Variants in FRMPD1 observed in about 807,000 individuals in gnomAD.
FRMPD1 encodes the protein FERM and PDZ domain-containing protein 1.
In FRMPD1, 76 loss-of-function variants were observed where a neutral mutation model predicts 117.8. That is an observed-to-expected ratio of 0.65 (90% CI 0.54 to 0.78). The LOEUF is 0.78. Ranked by LOEUF, FRMPD1 falls within the 30% of genes least tolerant of loss-of-function variation. The pLI, the probability that FRMPD1 is intolerant of heterozygous loss-of-function variation, is 0.00. For synonymous variants in FRMPD1, 783 were observed against 770.4 expected, an observed-to-expected ratio of 1.02 and a Z score of -0.27; for missense variants, 1,786 against 1,964.5, an observed-to-expected ratio of 0.91 and a Z score of 1.72.
chr9:37,732,281 C>T, intron 9 of FRMPD1, 23 bp from the exon 10 acceptor site: 1 of 1,611,430 alleles, frequency 6.2e-7, no homozygotes, highest in African/African-American at 1.3e-5. Flanking sequence ...TGTTTCCCAT[C>T]TGCTCTATTT....
rs1359590 is a variant in FRMPD1, at chr9:37,729,789, C to T, written c.674C>T (p.Ala225Val). ...CGAAGTATCGAGTACTTTGCACTGG[C>T]CCTGGAAGAGCAGTACAGCATCTCC... ...SIRSIEYFAL[A>V]LEEQYSISRL... The change falls in exon 8 of 16, where the codon GCC (alanine) becomes GTC (valine). Residue 225 changes from alanine (A) to valine (V), a missense_variant. Physicochemically the swap from Ala to Val is moderately conservative, Grantham distance 64. Transcript: ENST00000377765. 320,564 of 1,613,220 alleles carry T rather than the reference C, an allele frequency of 0.2. 32,607 individuals carry two copies. The highest frequency in any genetic ancestry group is 0.28 in the Middle Eastern group (1,695 of 6,060).
At chr9:37,625,417 C>A in the FRMPD1 span, among the ~76,000 whole-genome samples, 1 of 152,112 alleles carries the variant, frequency 6.6e-6, no homozygotes, top group African/African-American at 2.4e-5. Context: ...GCAGAGAGCT[C>A]CCTGCCAGGA....
chr9:37,742,445 G>T (rs982172174), intron 15 of FRMPD1, among the ~76,000 whole-genome samples: 4 of 152,220 alleles, frequency 2.6e-5, no homozygotes, highest in African/African-American at 9.6e-5. Context: ...AAAAGAGCCA[G>T]AACTAGGATT....
In FRMPD1 at chr9:37,655,496, C is replaced by CTTT. The variant is rs10615941; in HGVS notation, c.-5+4425_-5+4427dup. Among the ~76,000 whole-genome samples, 481 of 88,546 alleles carry CTTT rather than the reference C, an allele frequency of 5.4e-3. 11 individuals are homozygous for CTTT. The highest frequency in any genetic ancestry group is 0.021 in the East Asian group (42 of 2,040). 58.1% of individuals were successfully genotyped at this position (88,546 alleles called of 152,430 possible). ...CCCTCCTCTGCACCATGTCCCCACT[C>CTTT]TTTTTTTTTTTTTTTTTTTTTTTTT... On this transcript the variant is annotated intron_variant, in intron 1 of 15. Transcript: ENST00000377765.
rs1824378449 is a variant in FRMPD1, at chr9:37,740,902, G to A, written c.2356+18G>A. The stretch of plus-strand genomic sequence containing the variant: ...CCCGTCAGGTGAGCCGTCCCTTGCA[G>A]GTCTGCAGACACGGCAGGCAGCTCC... On this transcript the variant is annotated intron_variant, in intron 15 of 15. Coordinates refer to ENST00000377765, the MANE Select transcript of FRMPD1 (RefSeq NM_014907.3). The surrounding 1 kb of genome is among the most constrained non-coding windows in gnomAD (Gnocchi z 4.2). The A allele has an allele frequency of 6.2e-7, 1 of 1,602,068 alleles. No individual in the cohort carries two copies. Among genetic ancestry groups the A allele is most frequent in the African/African-American group, 1.3e-5 (1 of 74,860 alleles).
At chr9:37,731,191 AAAC>A in intron 9 of FRMPD1, 88 bp downstream of exon 9, 1 of 1,145,540 alleles carries the variant, frequency 8.7e-7, no homozygotes, top group Non-Finnish European at 1.3e-6. Context: ...CGAGGCCATT[AAAC>A]AACTCCCTGG....
At chr9:37,646,590 A>G (rs975728568), upstream of FRMPD1, among the ~76,000 whole-genome samples, 1 of 152,252 alleles carries the variant, frequency 6.6e-6, no homozygotes, top group Non-Finnish European at 1.5e-5. Flanking sequence ...AACAAAATAA[A>G]TATTTCTAAC....
chr9:37,711,280 T>G (rs1822900093), intron 4 of FRMPD1, 70 bp from the exon 5 acceptor site: 1 of 952,406 alleles, frequency 1.0e-6, no homozygotes, highest in African/African-American at 1.6e-5. Context: ...TGCTCACACA[T>G]GTATGCATGC....
At position 37,678,427 on chromosome 9, in the gene FRMPD1, A is replaced by G. The variant is rs1239615214; in HGVS notation, c.-4-14211A>G. ...AGGCATGTGCCATCACGTCTGGCTA[A>G]TTTTTGTATTTTTAGTAGAGATGGG... On this transcript the variant is annotated intron_variant, in intron 1 of 15. Transcript: ENST00000377765. Among the ~76,000 whole-genome samples, 3 of 151,738 alleles carry G rather than the reference A, an allele frequency of 2.0e-5. No individual in the cohort carries two copies. In the East Asian group the frequency reaches 5.8e-4, roughly 29 times the overall value.
chr9:37,701,787 A>G (rs1822542875), intron 2 of FRMPD1, among the ~76,000 whole-genome samples: 1 of 152,170 alleles, frequency 6.6e-6, no homozygotes, highest in African/African-American at 2.4e-5. Context: ...TCTGGCTGCT[A>G]GATGGAGAAT....
chr9:37,656,125 C>G (rs1588902641), intron 1 of FRMPD1, among the ~76,000 whole-genome samples: 1 of 152,200 alleles, frequency 6.6e-6, no homozygotes, highest in East Asian at 1.9e-4. Flanking sequence ...TACCCCACAA[C>G]CCTTTTCACA....
intron 7 of FRMPD1, among the ~76,000 whole-genome samples, chr9:37,729,376 C>T (rs1220003747): frequency 1.7e-5 from 2 of 114,606 alleles, no homozygotes; most frequent in Non-Finnish European, 3.5e-5. Context: ...GCCTGGGAGA[C>T]CCTCTCAAAA....
chr9:37,746,203 G>T lies in FRMPD1; in HGVS notation c.4171G>T (p.Ala1391Ser). ...TGCCCGAGCCCACAGCTGCACCACC[G>T]CACCCCTGTCGAGGAAAAGCCACAT... ...RPARAHSCTT[A>S]PLSRKSHIWP... The change falls in exon 16 of 16, where the codon GCA becomes TCA. Residue 1391 changes from alanine to serine, a missense_variant. By Grantham distance (99) the Ala-to-Ser change is moderately conservative (BLOSUM62 1). Coordinates refer to ENST00000377765, the MANE Select transcript of FRMPD1 (RefSeq NM_014907.3). 6.2e-7 allele frequency: 1 copy of T among 1,612,978 alleles called. No individual in the cohort carries two copies. Among genetic ancestry groups the T allele is most frequent in the East Asian group, 2.2e-5 (1 of 44,880 alleles).
At position 37,704,640 on chromosome 9, in the gene FRMPD1, T is replaced by G. The variant is rs531315801; in HGVS notation, c.102-2776T>G. ...TAATAATTGTACCCACCTCAAAAGT[T>G]TGAGGGTTGAGTGAGATATATATAT... is the stretch of plus-strand genomic sequence containing the variant. On this transcript the variant is annotated intron_variant, in intron 2 of 15. Transcript: ENST00000377765. Among the ~76,000 whole-genome samples, 3 of 145,358 alleles carry G rather than the reference T, an allele frequency of 2.1e-5. No homozygotes were observed. The South Asian group carries it at 7.0e-4, about 34-fold the overall frequency.
chr9:37,705,032 C>G (rs558896820), intron 2 of FRMPD1, among the ~76,000 whole-genome samples: 1 of 152,230 alleles, frequency 6.6e-6, no homozygotes, highest in African/African-American at 2.4e-5. Context: ...AGCATTCACT[C>G]ATTAAGAATG....
chr9:37,708,691 C>T (rs1017084569), intron 4 of FRMPD1, among the ~76,000 whole-genome samples, 190 bp downstream of exon 4: 1 of 152,168 alleles, frequency 6.6e-6, no homozygotes, highest in Non-Finnish European at 1.5e-5. Flanking sequence ...ACAGTCCACT[C>T]TCTCTCACTT....
chr9:37,697,876 G>A (rs1312233980), intron 2 of FRMPD1, among the ~76,000 whole-genome samples: 1 of 152,204 alleles, frequency 6.6e-6, no homozygotes, highest in African/African-American at 2.4e-5. Context: ...CAGCACTTTG[G>A]GAAGCCAAGA....
chr9:37,665,121 A>G (rs1274398761), intron 1 of FRMPD1, among the ~76,000 whole-genome samples: 1 of 152,230 alleles, frequency 6.6e-6, no homozygotes, highest in Non-Finnish European at 1.5e-5. Context: ...AATAATAAAG[A>G]CACAGGGAAA....
At position 37,746,442 on chromosome 9, in the gene FRMPD1, G is replaced by C. The variant is rs372283616; in HGVS notation, c.4410G>C (p.Leu1470=). The C allele has an allele frequency of 3.8e-5, 61 of 1,613,542 alleles. No homozygotes were observed. The highest frequency in any genetic ancestry group is 2.5e-5 in the Non-Finnish European group (30 of 1,180,024). Reference sequence around the variant, plus strand: ...TCTGCATGGGCTCCCAGAAGCTCCTGTCGAGCTGTCGGCATGTGATCAGAA... The same window carrying C: ...TCTGCATGGGCTCCCAGAAGCTCCTCTCGAGCTGTCGGCATGTGATCAGAA... ...SRLCMGSQKL[L]SSCRHVIRMD... is the part of the protein sequence containing the mutation. The change falls in exon 16 of 16, where the codon CTG becomes CTC. Residue 1470 remains leucine, a synonymous_variant. Transcript: ENST00000377765.
Sources: allele counts gnomAD v4.1 joint callset (sites outside exome capture counted in the v4.1 genomes callset), GRCh38; gene constraint gnomAD v4.1.1; non-coding constraint Gnocchi (gnomAD v3.1); transcripts MANE v1.5; gene names NCBI Gene and HGNC (gene_info 2026-07-23, HGNC 2026-07-21).